Variants in NFAT5 observed in about 807,000 individuals in gnomAD.
NFAT5 encodes nuclear factor of activated T-cells 5.
In NFAT5, 31 loss-of-function variants were observed where a neutral mutation model predicts 166.5. The ratio of observed to expected loss-of-function variants is 0.19; its 90% CI spans 0.14 to 0.25. The LOEUF (loss-of-function observed/expected upper bound fraction) is 0.25. Ranked by LOEUF, NFAT5 falls within the 10% of genes least tolerant of loss-of-function variation. The probability of loss-of-function intolerance (pLI) is 1.00; values close to 1 mark genes in which losing one functional copy is unlikely to be tolerated. For missense variants in NFAT5, 1,449 were observed against 1,821.8 expected, an observed-to-expected ratio of 0.80 and a Z score of 3.72; for synonymous variants, 612 against 639.7, an observed-to-expected ratio of 0.96 and a Z score of 0.65.
intron 2 of NFAT5, among the ~76,000 whole-genome samples, chr16:69,570,314 A>G (rs1183399360): frequency 2.0e-5 from 3 of 152,124 alleles, no homozygotes; most frequent in Non-Finnish European, 2.9e-5. Context: ...TGCTTCTGTA[A>G]TGAAGTGTCT....
intron 2 of NFAT5, among the ~76,000 whole-genome samples, chr16:69,593,380 C>T (rs1045092713): frequency 3.3e-5 from 5 of 152,104 alleles, no homozygotes; most frequent in Non-Finnish European, 7.4e-5. Context: ...CACTCTGTCA[C>T]CCAGGCTGTA....
chr16:69,663,608 G>A (rs899685377), intron 7 of NFAT5, among the ~76,000 whole-genome samples: 4 of 145,814 alleles, frequency 2.7e-5, no homozygotes, highest in South Asian at 2.2e-4. Context: ...AGTTGTACAC[G>A]CCTGTAATAC....
At chr16:69,587,275 A>T (rs955331071) in intron 2 of NFAT5, among the ~76,000 whole-genome samples, 52 of 150,912 alleles carry the variant, frequency 3.4e-4, no homozygotes, top group Non-Finnish European at 1.0e-4. Flanking sequence ...GAGTTTCACC[A>T]TGTTGGCCAG....
chr16:69,589,513 T>C (rs1266957410), intron 2 of NFAT5, among the ~76,000 whole-genome samples: 1 of 152,160 alleles, frequency 6.6e-6, no homozygotes, highest in East Asian at 1.9e-4. Context: ...ACTCAAAGGA[T>C]AAAATTTGAT....
intron 3 of NFAT5, among the ~76,000 whole-genome samples, chr16:69,644,123 A>G (rs115055118): frequency 0.043 from 6,553 of 151,974 alleles, 478 homozygotes; most frequent in African/African-American, 0.15. Flanking sequence ...TGCCTCTACA[A>G]ATAATTTAAA....
At chr16:69,627,439 T>C (rs1167523807) in intron 3 of NFAT5, among the ~76,000 whole-genome samples, 2 of 150,734 alleles carry the variant, frequency 1.3e-5, no homozygotes, top group African/African-American at 4.9e-5. Flanking sequence ...ACACCTCTCA[T>C]CTTTAAAAAT....
At chr16:69,676,093 A>C (rs2036821993) in intron 9 of NFAT5, among the ~76,000 whole-genome samples, 1 of 152,210 alleles carries the variant, frequency 6.6e-6, no homozygotes, top group Admixed American at 6.5e-5. Context: ...AGTCTAACTA[A>C]ATTTTAAATG....
At chr16:69,638,036 T>G (rs1163510259) in intron 3 of NFAT5, among the ~76,000 whole-genome samples, 1 of 151,810 alleles carries the variant, frequency 6.6e-6, no homozygotes, top group African/African-American at 2.4e-5. Flanking sequence ...CTGGCCAACA[T>G]GATGAAACCC....
At chr16:69,568,344 ATATGTGTGTGTG>A (rs1237514821) in intron 1 of NFAT5, 139 bp from the exon 2 acceptor site, 3 of 215,556 alleles carry the variant, frequency 1.4e-5, no homozygotes, top group African/African-American at 6.0e-5. Flanking sequence ...GTATATATAT[ATATGTGTGTGTG>A]TGTGTGTGTG....
intron 11 of NFAT5, chr16:69,685,524 G>A (rs1787512528): frequency 6.6e-6 from 1 of 151,756 alleles, no homozygotes; most frequent in Non-Finnish European, 1.5e-5. Context: ...TCCAGCCTGG[G>A]CGACAGAGCG....
rs1031883945 is a variant in NFAT5, at chr16:69,698,759, T to C, written c.*2408T>C. On this transcript the variant is annotated 3_prime_UTR_variant, in exon 15 of 15. Transcript: ENST00000349945. ...TATATATTTAATATTTTATTATTGT[T>C]GTTATTGTTATTATTAATTGGCTTT... The C allele has an allele frequency of 1.3e-5, 2 of 152,658 alleles. No individual in the cohort carries two copies. Among genetic ancestry groups the C allele is most frequent in the African/African-American group, 2.4e-5 (1 of 41,462 alleles). 9.5% of individuals were successfully genotyped at this position (152,658 alleles called of 1,614,324 possible).
At chr16:69,655,921 T>TA (rs1239902750) in intron 6 of NFAT5, 122 bp downstream of exon 6, 6 of 681,068 alleles carry the variant, frequency 8.8e-6, no homozygotes, top group Non-Finnish European at 1.4e-5. Flanking sequence ...ATATTATGAA[T>TA]AAAAAAAGAC....
chr16:69,668,401 G>A (rs942272865), intron 7 of NFAT5, among the ~76,000 whole-genome samples: 4 of 152,254 alleles, frequency 2.6e-5, no homozygotes, highest in African/African-American at 4.8e-5. Flanking sequence ...CTTAGGACCC[G>A]AAGTGTTTCA....
At chr16:69,649,301 C>T (rs1325431670) in intron 4 of NFAT5, 2 of 964,676 alleles carry the variant, frequency 2.1e-6, no homozygotes, top group Non-Finnish European at 2.5e-6. Context: ...GATAAATTTT[C>T]ATTTTTATAT....
At chr16:69,588,977 CTTCTTTTT>C (rs2032279644) in intron 2 of NFAT5, among the ~76,000 whole-genome samples, 1 of 78,566 alleles carries the variant, frequency 1.3e-5, no homozygotes, top group Non-Finnish European at 2.7e-5. Flanking sequence ...TCTTTTCCTA[CTTCTTTTT>C]TTTTTTTTTT....
chr16:69,693,220 C>G lies in NFAT5; in HGVS notation c.3395C>G (p.Pro1132Arg). The part of the protein sequence containing the change: ...TSTTSSEQMQ[P>R]PMFHSQSTIA... Reference sequence around the variant, plus strand: ...ACAACCTCCTCTGAACAAATGCAGCCTCCAATGTTTCACTCTCAAAGTACC... The same window carrying G: ...ACAACCTCCTCTGAACAAATGCAGCGTCCAATGTTTCACTCTCAAAGTACC... The change falls in exon 13 of 15, where the codon CCT (proline) becomes CGT (arginine). Residue 1132 changes from proline (P) to arginine (R), a missense_variant. Coordinates refer to ENST00000349945, the MANE Select transcript of NFAT5 (RefSeq NM_138713.4). 1 of 1,614,186 alleles carries G rather than the reference C, an allele frequency of 6.2e-7. No individual in the cohort carries two copies. The highest frequency in any genetic ancestry group is 2.2e-5 in the East Asian group (1 of 44,884).
chr16:69,656,757 A>C (rs572372217), intron 6 of NFAT5, among the ~76,000 whole-genome samples: 2 of 152,184 alleles, frequency 1.3e-5, no homozygotes, highest in Admixed American at 6.5e-5. Flanking sequence ...CAGCCGAAAA[A>C]CTGTTCAGCA....
chr16:69,628,825 C>T (rs2034581954), intron 3 of NFAT5, among the ~76,000 whole-genome samples: 1 of 152,152 alleles, frequency 6.6e-6, no homozygotes, highest in Admixed American at 6.5e-5. Context: ...CTCACACCAG[C>T]ACTTTGAGAG....
At position 69,647,260 on chromosome 16, in the gene NFAT5, C is replaced by T; in HGVS notation, c.486C>T (p.Ile162=). 1 of 1,614,178 alleles carries T rather than the reference C, an allele frequency of 6.2e-7. No homozygotes were observed. Among genetic ancestry groups the T allele is most frequent in the Non-Finnish European group, 8.5e-7 (1 of 1,180,034 alleles). The part of the protein sequence containing the change: ...STPKRHTVLY[I]SPPPEDLLDN... Reference sequence around the variant, plus strand: ...CGAAGAGGCACACAGTCTTGTACATCTCACCACCACCTGAGGACTTGCTGG... The same window carrying T: ...CGAAGAGGCACACAGTCTTGTACATTTCACCACCACCTGAGGACTTGCTGG... The change falls in exon 4 of 15, where the codon ATC becomes ATT. Residue 162 remains isoleucine, a synonymous_variant. Coordinates refer to ENST00000349945, the MANE Select transcript of NFAT5 (RefSeq NM_138713.4). The surrounding 1 kb of genome is among the most constrained non-coding windows in gnomAD (Gnocchi z 4.8).
Sources: allele counts gnomAD v4.1 joint callset (sites outside exome capture counted in the v4.1 genomes callset), GRCh38; gene constraint gnomAD v4.1.1; non-coding constraint Gnocchi (gnomAD v3.1); transcripts MANE v1.5; gene names NCBI Gene and HGNC (gene_info 2026-07-23, HGNC 2026-07-21).